Variants in TRAPPC9 observed in about 807,000 individuals in gnomAD.
The protein encoded by TRAPPC9 is trafficking protein particle complex subunit 9, also known as IKK2 binding protein.
Under a neutral mutation model 124.0 loss-of-function variants are expected in TRAPPC9, and 83 were observed. The observed-to-expected ratio is 0.67, with a 90% CI of 0.56 to 0.80. TRAPPC9 has a LOEUF of 0.80. Among genes scored for constraint, TRAPPC9 ranks in the 30% least tolerant of loss-of-function variants. TRAPPC9 has a pLI of 0.00. For synonymous variants in TRAPPC9, 638 were observed against 617.5 expected (o/e 1.03, Z -0.49); for missense variants, 1,302 against 1,508.3 (o/e 0.86, Z 2.27).
chr8:140,318,485 CCTGT>C (rs1407195088), intron 9 of TRAPPC9, among the ~76,000 whole-genome samples: 1 of 152,204 alleles, frequency 6.6e-6, no homozygotes, highest in African/African-American at 2.4e-5. Flanking sequence ...ACTTACTCCT[CCTGT>C]CTAACTGAGG....
intron 21 of TRAPPC9, among the ~76,000 whole-genome samples, chr8:139,880,677 C>T (rs763889623): frequency 2.0e-5 from 3 of 152,190 alleles, no homozygotes; most frequent in African/African-American, 7.2e-5. Flanking sequence ...AGGTTCATAG[C>T]CTTTGACCTA....
chr8:140,444,035 CAAAAAAAAAAA>C (rs35121401), intron 2 of TRAPPC9, among the ~76,000 whole-genome samples: 65 of 40,930 alleles, frequency 1.6e-3, no homozygotes, highest in Non-Finnish European at 2.4e-3. Context: ...GACTCCATCT[CAAAAAAAAAAA>C]AAAAAAAAAA....
chr8:140,276,827 T>A (rs2065138444), intron 14 of TRAPPC9, among the ~76,000 whole-genome samples: 1 of 152,070 alleles, frequency 6.6e-6, no homozygotes, highest in Non-Finnish European at 1.5e-5. Flanking sequence ...GCCAACATGT[T>A]CTCCTGGGGC....
At chr8:140,197,569 G>A (rs192170273) in intron 17 of TRAPPC9, among the ~76,000 whole-genome samples, 7 of 152,156 alleles carry the variant, frequency 4.6e-5, no homozygotes, top group East Asian at 1.9e-4. Flanking sequence ...CATCTGCCTC[G>A]GTATCAAGGA....
intron 21 of TRAPPC9, among the ~76,000 whole-genome samples, chr8:139,853,368 C>A (rs545439835): frequency 1.3e-5 from 2 of 152,266 alleles, no homozygotes; most frequent in African/African-American, 2.4e-5. Context: ...TAGGAAAGAG[C>A]CAGAAACTGT....
intron 17 of TRAPPC9, among the ~76,000 whole-genome samples, chr8:140,143,291 C>T (rs1176246741): frequency 6.6e-6 from 1 of 152,196 alleles, no homozygotes; most frequent in Non-Finnish European, 1.5e-5. Flanking sequence ...ATGATCTGTG[C>T]CCTGCTCATT....
chr8:139,813,119 G>T (rs981538663), intron 21 of TRAPPC9, among the ~76,000 whole-genome samples: 1 of 152,216 alleles, frequency 6.6e-6, no homozygotes, highest in African/African-American at 2.4e-5. Flanking sequence ...CAAGGACTGT[G>T]CTGCCGGTCT....
chr8:140,158,680 A>C (rs1311995366), intron 17 of TRAPPC9, among the ~76,000 whole-genome samples: 4 of 152,214 alleles, frequency 2.6e-5, no homozygotes, highest in Non-Finnish European at 5.9e-5. Flanking sequence ...AAATAACTAC[A>C]ACCTTCCCAT....
At chr8:140,119,887 G>C (rs1399613950) in intron 17 of TRAPPC9, among the ~76,000 whole-genome samples, 1 of 152,160 alleles carries the variant, frequency 6.6e-6, no homozygotes, top group African/African-American at 2.4e-5. Flanking sequence ...GCTTCTCAAA[G>C]TATTTCCCTC....
chr8:140,224,638 T>C (rs1587962094), intron 16 of TRAPPC9, among the ~76,000 whole-genome samples: 1 of 151,644 alleles, frequency 6.6e-6, no homozygotes, highest in Non-Finnish European at 1.5e-5. Context: ...TGGTAGGCCA[T>C]TTTTCTACCA....
chr8:140,307,713 T>C (rs1375112991), intron 10 of TRAPPC9, among the ~76,000 whole-genome samples: 1 of 152,218 alleles, frequency 6.6e-6, no homozygotes, highest in Non-Finnish European at 1.5e-5. Context: ...TTCCTGTTAA[T>C]GAGACTGGGG....
At chr8:140,145,435 C>A (rs909080149) in intron 17 of TRAPPC9, among the ~76,000 whole-genome samples, 8 of 152,066 alleles carry the variant, frequency 5.3e-5, no homozygotes, top group Non-Finnish European at 1.0e-4. Flanking sequence ...TGACAGACAT[C>A]CTTTATTAAG....
rs1326347127 is a variant in TRAPPC9, at chr8:140,252,663, A to G, written c.2431+114T>C. The G allele has an allele frequency of 1.6e-6, 2 of 1,262,736 alleles. No homozygotes were observed. The highest frequency in any genetic ancestry group is 2.3e-6 in the Non-Finnish European group (2 of 877,970). The allele number at this position is 1,262,736 out of a possible 1,614,324, so 78.2% of individuals were successfully genotyped here. A position where few individuals can be genotyped will look rare whatever the true frequency, so the allele number is the denominator to read the frequency against. On this transcript the variant is annotated intron_variant, in intron 16 of 22. Coordinates refer to ENST00000438773, the MANE Select transcript of TRAPPC9 (RefSeq NM_001160372.4). The surrounding 1 kb of genome is among the most constrained non-coding windows in gnomAD (Gnocchi z 4.2). ...CCCAGGAGATGTCTCAGGCAGCTTGAGTTAATGAATGACAAGTGAGTTACA... is the reference window on the plus strand; with the variant it reads ...CCCAGGAGATGTCTCAGGCAGCTTGGGTTAATGAATGACAAGTGAGTTACA...
chr8:140,172,022 G>A (rs1306192358), intron 17 of TRAPPC9, among the ~76,000 whole-genome samples: 4 of 152,208 alleles, frequency 2.6e-5, no homozygotes, highest in African/African-American at 9.6e-5. Context: ...GAAAGGCTGA[G>A]TTCATATCTG....
chr8:139,740,898 AC>A, intron 21 of TRAPPC9, among the ~76,000 whole-genome samples: 1 of 152,256 alleles, frequency 6.6e-6, no homozygotes, highest in South Asian at 2.1e-4. Context: ...CACTGCTTCC[AC>A]TGTGGTCTGG....
intron 15 of TRAPPC9, among the ~76,000 whole-genome samples, chr8:140,255,992 G>A (rs2064246235): frequency 6.6e-6 from 1 of 152,150 alleles, no homozygotes; most frequent in Non-Finnish European, 1.5e-5. Flanking sequence ...AGTGGGAGAT[G>A]GAATGGGTCA....
At chr8:139,754,337 A>C (rs1220290075) in intron 21 of TRAPPC9, among the ~76,000 whole-genome samples, 2 of 152,166 alleles carry the variant, frequency 1.3e-5, no homozygotes, top group Admixed American at 1.3e-4. Context: ...AGTTTGTATC[A>C]CCTGGGGCTC....
intron 21 of TRAPPC9, among the ~76,000 whole-genome samples, chr8:139,753,080 C>CCATT (rs1395114073): frequency 6.7e-6 from 1 of 149,176 alleles, no homozygotes; most frequent in African/African-American, 2.5e-5. Flanking sequence ...ATCTATCCAT[C>CCATT]CATCCATCCA....
chr8:139,798,381 A>G (rs1408048074), intron 21 of TRAPPC9, among the ~76,000 whole-genome samples: 1 of 152,216 alleles, frequency 6.6e-6, no homozygotes, highest in Non-Finnish European at 1.5e-5. Flanking sequence ...TTTTAAACAG[A>G]GCTGTGATTT....
Sources: gnomAD v4.1 joint callset for allele counts (sites outside exome capture counted in the v4.1 genomes callset) on GRCh38, gnomAD v4.1.1 for gene constraint, Gnocchi (gnomAD v3.1) non-coding constraint, MANE v1.5 for transcripts, NCBI Gene and HGNC (gene_info 2026-07-23, HGNC 2026-07-21) for gene names.